CDK14: variants seen among roughly 807,000 people sequenced by gnomAD.
CDK14 encodes the protein cyclin-dependent kinase 14.
A neutral mutation model predicts 60.7 loss-of-function variants in CDK14; 34 were observed. The observed-to-expected ratio is 0.56, with a 90% confidence interval of 0.43 to 0.75. The LOEUF (loss-of-function observed/expected upper bound fraction) is 0.75. CDK14 is among the 30% of genes least tolerant of loss of function. The probability of loss-of-function intolerance (pLI) is 0.00; values close to 1 mark genes in which losing one functional copy is unlikely to be tolerated. For synonymous variants in CDK14, 197 were observed against 203.7 expected, an observed-to-expected ratio of 0.97 and a Z score of 0.28; for missense variants, 482 against 564.1, an observed-to-expected ratio of 0.85 and a Z score of 1.47.
chr7:90,701,352 C>T (rs573887189), intron 2 of CDK14, among the ~76,000 whole-genome samples: 1 of 152,248 alleles, frequency 6.6e-6, no homozygotes, highest in East Asian at 1.9e-4. Context: ...ATTCAGGCTT[C>T]CTGCAAGTTC....
intron 5 of CDK14, among the ~76,000 whole-genome samples, chr7:90,801,629 A>G (rs1003212755): frequency 1.3e-5 from 2 of 152,218 alleles, no homozygotes; most frequent in Admixed American, 6.5e-5. Flanking sequence ...ACATTTACAC[A>G]AAGACAAAAT....
intron 5 of CDK14, among the ~76,000 whole-genome samples, chr7:90,836,488 T>C (rs1407709077): frequency 6.6e-6 from 1 of 152,178 alleles, no homozygotes; most frequent in African/African-American, 2.4e-5. Flanking sequence ...TGAAAGGACT[T>C]CAGGAGCAAT....
intron 8 of CDK14, among the ~76,000 whole-genome samples, chr7:90,946,880 A>G (rs1160575665): frequency 6.6e-6 from 1 of 152,054 alleles, no homozygotes; most frequent in African/African-American, 2.4e-5. Flanking sequence ...AGCAGTTTCC[A>G]TTTCCCGCTG....
intron 6 of CDK14, among the ~76,000 whole-genome samples, chr7:90,869,408 A>G (rs1242109643): frequency 6.6e-6 from 1 of 152,190 alleles, no homozygotes; most frequent in Non-Finnish European, 1.5e-5. Flanking sequence ...GGGAGCTAGC[A>G]AGGATGACAA....
intron 2 of CDK14, among the ~76,000 whole-genome samples, chr7:90,676,512 A>G (rs570314017): frequency 1.7e-4 from 25 of 150,518 alleles, no homozygotes; most frequent in Non-Finnish European, 4.4e-5. Flanking sequence ...CTCCAGGACC[A>G]GTCTTAGATG....
chr7:90,986,768 G>A (rs916392890), intron 10 of CDK14, among the ~76,000 whole-genome samples: 1 of 151,828 alleles, frequency 6.6e-6, no homozygotes, highest in African/African-American at 2.4e-5. Context: ...TAAAGCTCAT[G>A]TATAATGATA....
intron 2 of CDK14, among the ~76,000 whole-genome samples, chr7:90,705,448 A>G (rs933092759): frequency 6.6e-6 from 1 of 151,932 alleles, no homozygotes; most frequent in Admixed American, 6.6e-5. Flanking sequence ...TTCAGACCCT[A>G]TTTATGTGAA....
chr7:91,004,416 G>A (rs1795924449), intron 10 of CDK14, among the ~76,000 whole-genome samples: 1 of 152,202 alleles, frequency 6.6e-6, no homozygotes, highest in African/African-American at 2.4e-5. Flanking sequence ...ACCTATTAAA[G>A]CTTATTTGAG....
intron 2 of CDK14, among the ~76,000 whole-genome samples, chr7:90,668,230 T>C (rs1032672812): frequency 6.6e-6 from 1 of 152,214 alleles, no homozygotes; most frequent in African/African-American, 2.4e-5. Flanking sequence ...AAGTGACATG[T>C]CTTTGTGATT....
intron 6 of CDK14, among the ~76,000 whole-genome samples, chr7:90,870,786 T>A (rs2117246528): frequency 6.6e-6 from 1 of 152,282 alleles, no homozygotes; most frequent in East Asian, 1.9e-4. Context: ...GGGGGACAAA[T>A]CTGAGTCTAC....
chr7:90,691,346 A>C (rs1801549430), intron 2 of CDK14, among the ~76,000 whole-genome samples: 2 of 152,114 alleles, frequency 1.3e-5, no homozygotes, highest in Non-Finnish European at 2.9e-5. Context: ...AAAGTTTGTC[A>C]TTTTAAATAG....
chr7:91,145,718 A>G lies in CDK14; in HGVS notation c.*28+27510A>G, dbSNP rs576351714. On this transcript the variant is annotated intron_variant, in intron 14 of 14. Coordinates refer to ENST00000380050, the MANE Select transcript of CDK14 (RefSeq NM_001287135.2). ...TCTTGATGATAATTTCAAAAGATGA[A>G]TAGGCAACAAGAAGCTGCTCATCTT... Among the ~76,000 whole-genome samples the G allele has an allele frequency of 1.9e-4, 29 of 152,292 alleles. No homozygotes were observed. The South Asian group carries it at 6.0e-3, about 32-fold the overall frequency.
chr7:91,074,314 G>C (rs182967795), intron 11 of CDK14, among the ~76,000 whole-genome samples: 21 of 152,256 alleles, frequency 1.4e-4, no homozygotes, highest in Admixed American at 6.5e-4. Flanking sequence ...TCAGACCACA[G>C]TACAATCAAA....
At chr7:90,793,396 T>C (rs1212574733) in intron 5 of CDK14, among the ~76,000 whole-genome samples, 1 of 152,182 alleles carries the variant, frequency 6.6e-6, no homozygotes, top group African/African-American at 2.4e-5. Flanking sequence ...TCTAAAAGAT[T>C]GTGATTTTTA....
chr7:91,039,832 C>T (rs1797039651), intron 10 of CDK14, among the ~76,000 whole-genome samples: 1 of 152,054 alleles, frequency 6.6e-6, no homozygotes, highest in Non-Finnish European at 1.5e-5. Context: ...TGGCTCACAC[C>T]CGTAGTCCTA....
At chr7:90,649,398 T>TTCCTTCCTTCCTTCC (rs1563030139) in intron 2 of CDK14, among the ~76,000 whole-genome samples, 9 of 36,382 alleles carry the variant, frequency 2.5e-4, no homozygotes, top group African/African-American at 7.1e-4. Context: ...TCCTTCCTTC[T>TTCCTTCCTTCCTTCC]TTCTTTCTTT....
intron 5 of CDK14, among the ~76,000 whole-genome samples, chr7:90,794,242 G>A (rs1036937635): frequency 2.0e-5 from 3 of 152,132 alleles, no homozygotes; most frequent in East Asian, 3.9e-4. Context: ...GAGGCAGGGC[G>A]AGATCACAGG....
chr7:90,842,491 G>T (rs1403341184), intron 5 of CDK14, among the ~76,000 whole-genome samples: 1 of 152,174 alleles, frequency 6.6e-6, no homozygotes, highest in Non-Finnish European at 1.5e-5. Flanking sequence ...TTAGGAACAA[G>T]TGGCACAGAT....
intron 10 of CDK14, among the ~76,000 whole-genome samples, chr7:91,003,232 T>C (rs1481010822): frequency 6.6e-6 from 1 of 152,190 alleles, no homozygotes; most frequent in Non-Finnish European, 1.5e-5. Context: ...ATGCATCAGA[T>C]GTATCAGCTA....
Sources: allele counts gnomAD v4.1 joint callset (sites outside exome capture counted in the v4.1 genomes callset), GRCh38; gene constraint gnomAD v4.1.1; transcripts MANE v1.5; gene names NCBI Gene and HGNC (gene_info 2026-07-23, HGNC 2026-07-21).